HS6ST3: variants seen among roughly 807,000 people sequenced by gnomAD.
HS6ST3 encodes heparan sulfate 6-O-sulfotransferase 3, also known as heparan-sulfate 6-O-sulfotransferase 3.
In HS6ST3, 12 loss-of-function variants were observed where a neutral mutation model predicts 36.7. The ratio of observed to expected loss-of-function variants is 0.33; its 90% confidence interval spans 0.21 to 0.53. The LOEUF (loss-of-function observed/expected upper bound fraction) is 0.53, where lower values mean the gene tolerates loss of function less well. Ranked by LOEUF, HS6ST3 falls within the 20% of genes least tolerant of loss-of-function variation. The pLI is 0.95. For synonymous variants in HS6ST3, 240 were observed against 257.5 expected (o/e 0.93, Z 0.65); for missense variants, 584 against 640.9 (o/e 0.91, Z 0.96).
At chr13:96,548,392 G>A (rs532193992) in intron 1 of HS6ST3, among the ~76,000 whole-genome samples, 2 of 152,246 alleles carry the variant, frequency 1.3e-5, no homozygotes, top group South Asian at 4.2e-4. Context: ...CCGTATCTCT[G>A]TAAGAGCTCT....
At chr13:96,737,479 G>C (rs4569116) in intron 1 of HS6ST3, among the ~76,000 whole-genome samples, 1 of 150,934 alleles carries the variant, frequency 6.6e-6, no homozygotes, top group East Asian at 2.0e-4. Flanking sequence ...CAAAAAATTA[G>C]CCGGGCGCGG....
intron 1 of HS6ST3, among the ~76,000 whole-genome samples, chr13:96,788,225 TG>T (rs67954323): frequency 0.055 from 8,401 of 151,946 alleles, 766 homozygotes; most frequent in African/African-American, 0.19. Flanking sequence ...TGTGCTTTTT[TG>T]CCTCTCTAGT....
chr13:96,776,627 G>A (rs763021126), intron 1 of HS6ST3, among the ~76,000 whole-genome samples: 9 of 151,992 alleles, frequency 5.9e-5, no homozygotes, highest in Admixed American at 3.3e-4. Flanking sequence ...ATAGACCCTC[G>A]CAAGACTAAA....
intron 1 of HS6ST3, among the ~76,000 whole-genome samples, chr13:96,360,407 A>G (rs1361082363): frequency 6.6e-6 from 1 of 152,116 alleles, no homozygotes; most frequent in Non-Finnish European, 1.5e-5. Flanking sequence ...ATTGTGAATG[A>G]TTAGACCTTC....
chr13:96,483,789 G>T (rs1370799727), intron 1 of HS6ST3, among the ~76,000 whole-genome samples: 1 of 152,130 alleles, frequency 6.6e-6, no homozygotes, highest in South Asian at 2.1e-4. Flanking sequence ...ATTATGGTTA[G>T]TGTTCAGAAT....
intron 1 of HS6ST3, among the ~76,000 whole-genome samples, chr13:96,308,162 A>T (rs749263001): frequency 6.6e-5 from 10 of 152,200 alleles, no homozygotes; most frequent in Non-Finnish European, 1.2e-4. Flanking sequence ...TAGAGGACTG[A>T]TTCCTTAGAT....
chr13:96,113,875 A>T (rs1311217557), intron 1 of HS6ST3, among the ~76,000 whole-genome samples: 2 of 152,176 alleles, frequency 1.3e-5, no homozygotes, highest in African/African-American at 4.8e-5. Flanking sequence ...AAAGTGGAAC[A>T]ACTAGGAATT....
At chr13:96,206,462 A>G (rs1397228372) in intron 1 of HS6ST3, among the ~76,000 whole-genome samples, 1 of 152,242 alleles carries the variant, frequency 6.6e-6, no homozygotes, top group Non-Finnish European at 1.5e-5. Flanking sequence ...AAATGATTTA[A>G]AAATTTATGT....
chr13:96,528,496 T>C (rs2056123041), intron 1 of HS6ST3, among the ~76,000 whole-genome samples: 1 of 152,148 alleles, frequency 6.6e-6, no homozygotes, highest in African/African-American at 2.4e-5. Context: ...AATAAATATG[T>C]TTTTGATATT....
intron 1 of HS6ST3, among the ~76,000 whole-genome samples, chr13:96,792,944 C>A (rs1384157460): frequency 6.6e-6 from 1 of 152,072 alleles, no homozygotes; most frequent in Non-Finnish European, 1.5e-5. Flanking sequence ...TAATCAGCAA[C>A]TTTTGCCTTC....
At chr13:96,705,131 T>A (rs1875385702) in intron 1 of HS6ST3, among the ~76,000 whole-genome samples, 1 of 152,134 alleles carries the variant, frequency 6.6e-6, no homozygotes, top group Admixed American at 6.5e-5. Context: ...CACATTGTTA[T>A]CACCCAAAGT....
chr13:96,634,628 C>T (rs901782993), intron 1 of HS6ST3, among the ~76,000 whole-genome samples: 18 of 151,968 alleles, frequency 1.2e-4, no homozygotes, highest in African/African-American at 4.1e-4. Flanking sequence ...TTCACTCTAC[C>T]GCAATGTGGC....
At chr13:96,580,330 C>T (rs1474597979) in intron 1 of HS6ST3, among the ~76,000 whole-genome samples, 1 of 151,068 alleles carries the variant, frequency 6.6e-6, no homozygotes, top group Non-Finnish European at 1.5e-5. Context: ...TTCACCTTCA[C>T]TAAACAACTC....
At chr13:96,297,175 T>A (rs539197293) in intron 1 of HS6ST3, among the ~76,000 whole-genome samples, 1 of 151,928 alleles carries the variant, frequency 6.6e-6, no homozygotes, top group Admixed American at 6.6e-5. Flanking sequence ...TTTCAAACTA[T>A]TTTTTTTCCT....
intron 1 of HS6ST3, among the ~76,000 whole-genome samples, chr13:96,806,351 C>A (rs1250171620): frequency 2.0e-5 from 3 of 152,156 alleles, no homozygotes; most frequent in African/African-American, 7.2e-5. Context: ...ACGGACCCAG[C>A]CCTTGTCATC....
intron 1 of HS6ST3, among the ~76,000 whole-genome samples, chr13:96,611,401 A>C (rs2138988816): frequency 6.6e-6 from 1 of 152,320 alleles, no homozygotes; most frequent in East Asian, 1.9e-4. Flanking sequence ...TAATTTTAAT[A>C]GAAACAAATA....
chr13:96,197,393 A>G (rs2054319536), intron 1 of HS6ST3, among the ~76,000 whole-genome samples: 1 of 152,180 alleles, frequency 6.6e-6, no homozygotes, highest in Non-Finnish European at 1.5e-5. Flanking sequence ...CCCTCCCACA[A>G]CATGTGGGAA....
intron 1 of HS6ST3, among the ~76,000 whole-genome samples, chr13:96,802,962 A>C (rs1878113940): frequency 6.6e-6 from 1 of 152,198 alleles, no homozygotes; most frequent in Non-Finnish European, 1.5e-5. Flanking sequence ...AAGCTCACAC[A>C]TCAGTACATA....
chr13:96,666,002 A>G (rs1438283434), intron 1 of HS6ST3, among the ~76,000 whole-genome samples: 2 of 152,168 alleles, frequency 1.3e-5, no homozygotes, highest in Non-Finnish European at 2.9e-5. Context: ...GTCCATTCTC[A>G]TGGTGCTAAT....
Sources: allele counts gnomAD v4.1 joint callset (sites outside exome capture counted in the v4.1 genomes callset), GRCh38; gene constraint gnomAD v4.1.1; transcripts MANE v1.5; gene names NCBI Gene and HGNC (gene_info 2026-07-23, HGNC 2026-07-21).